The following PHF14 variants were observed in gnomAD, a reference collection of about 807,000 sequenced individuals.
The protein encoded by PHF14 is PHD finger protein 14.
PHF14 carries 55 observed loss-of-function variants against 117.9 expected under a neutral mutation model. The ratio of observed to expected loss-of-function variants is 0.47; its 90% CI spans 0.38 to 0.58. The LOEUF is 0.58. Among genes scored for constraint, PHF14 ranks in the 20% least tolerant of loss-of-function variants. The pLI is 0.00. For synonymous variants in PHF14, 409 were observed against 368.6 expected (o/e 1.11, Z -1.26); for missense variants, 978 against 1,122.2 (o/e 0.87, Z 1.84).
At position 10,979,120 on chromosome 7, in the gene PHF14, T is replaced by C. The variant is rs1000657456; in HGVS notation, c.113-3252T>C. Among the ~76,000 whole-genome samples the C allele has an allele frequency of 1.1e-4, 17 of 152,286 alleles. 1 individual carries two copies. The highest frequency in any genetic ancestry group is 4.1e-4 in the African/African-American group (17 of 41,574). ...TATATTAGCATAAAACTAAATTAAA[T>C]CATATTGATTTTGTTATGGGGAGAA... On this transcript the variant is annotated intron_variant, in intron 2 of 17. Coordinates refer to ENST00000634607, the MANE Select transcript of PHF14 (RefSeq NM_001007157.2).
intron 16 of PHF14, among the ~76,000 whole-genome samples, chr7:11,081,840 A>G (rs936484474): frequency 2.0e-5 from 3 of 151,938 alleles, no homozygotes; most frequent in African/African-American, 7.3e-5. Flanking sequence ...TGGGCGACAG[A>G]ATGAGACTCC....
At chr7:11,129,389 T>C (rs1788024089) in intron 17 of PHF14, among the ~76,000 whole-genome samples, 1 of 152,050 alleles carries the variant, frequency 6.6e-6, no homozygotes, top group Admixed American at 6.6e-5. Context: ...TCAGCATTTC[T>C]GTTAACATTT....
At chr7:11,027,331 C>T (rs1783956097) in intron 6 of PHF14, among the ~76,000 whole-genome samples, 1 of 152,078 alleles carries the variant, frequency 6.6e-6, no homozygotes, top group Non-Finnish European at 1.5e-5. Context: ...AGTAGGATGT[C>T]AGGATTTGAC....
chr7:11,105,260 T>C, intron 16 of PHF14: 1 of 957,734 alleles, frequency 1.0e-6, no homozygotes. Context: ...TCGTTGTTGC[T>C]TAAGTGTTCA....
intron 17 of PHF14, among the ~76,000 whole-genome samples, chr7:11,151,047 A>C (rs1788688069): frequency 6.6e-6 from 1 of 152,212 alleles, no homozygotes; most frequent in South Asian, 2.1e-4. Flanking sequence ...TTTTAAAAAT[A>C]AGAAAAGCAA....
At chr7:11,128,699 TC>T (rs1341271639) in intron 17 of PHF14, among the ~76,000 whole-genome samples, 2 of 150,994 alleles carry the variant, frequency 1.3e-5, no homozygotes, top group African/African-American at 2.4e-5. Flanking sequence ...TCTCTCTCTC[TC>T]CCCCCGCCCC....
intron 17 of PHF14, among the ~76,000 whole-genome samples, chr7:11,132,636 C>A (rs1378729860): frequency 6.6e-6 from 1 of 151,570 alleles, no homozygotes; most frequent in Non-Finnish European, 1.5e-5. Flanking sequence ...GTCATATGGT[C>A]TTTCTATTTT....
chr7:11,002,199 A>G (rs1424533918), intron 4 of PHF14, among the ~76,000 whole-genome samples: 2 of 151,866 alleles, frequency 1.3e-5, no homozygotes, highest in Admixed American at 1.3e-4. Flanking sequence ...AAGGTGCCTC[A>G]AGATTCCTCA....
At chr7:11,132,926 T>C (rs2128349132) in intron 17 of PHF14, among the ~76,000 whole-genome samples, 1 of 151,910 alleles carries the variant, frequency 6.6e-6, no homozygotes, top group East Asian at 1.9e-4. Flanking sequence ...TCTATTCAAG[T>C]CTGAAATTTA....
At chr7:11,023,184 G>T (rs55704333) in intron 6 of PHF14, among the ~76,000 whole-genome samples, 3,060 of 152,132 alleles carry the variant, frequency 0.02, 116 homozygotes, top group African/African-American at 0.07. Context: ...TTAGAGTAAC[G>T]TATGAGGTAA....
chr7:11,133,841 T>C (rs528085889), intron 17 of PHF14, among the ~76,000 whole-genome samples: 3 of 152,158 alleles, frequency 2.0e-5, no homozygotes, highest in African/African-American at 4.8e-5. Flanking sequence ...AATTGCAGTA[T>C]GCAGTGATAG....
At chr7:11,146,666 TA>T (rs1227366524) in intron 17 of PHF14, among the ~76,000 whole-genome samples, 1 of 152,306 alleles carries the variant, frequency 6.6e-6, no homozygotes, top group East Asian at 1.9e-4. Flanking sequence ...CAAAAGCATT[TA>T]GAGAACTCTA....
intron 17 of PHF14, among the ~76,000 whole-genome samples, chr7:11,150,135 G>A (rs117013062): frequency 6.6e-6 from 1 of 152,054 alleles, no homozygotes; most frequent in African/African-American, 2.4e-5. Context: ...CAATATGCCA[G>A]GGAGTGATTA....
At chr7:11,093,378 A>G (rs1220640815) in intron 16 of PHF14, among the ~76,000 whole-genome samples, 1 of 152,140 alleles carries the variant, frequency 6.6e-6, no homozygotes, top group East Asian at 1.9e-4. Flanking sequence ...CAAGGCTGTT[A>G]GTATGGGGGA....
intron 17 of PHF14, among the ~76,000 whole-genome samples, chr7:11,162,811 G>A (rs553806430): frequency 2.7e-4 from 40 of 149,652 alleles, no homozygotes; most frequent in African/African-American, 6.9e-4. Context: ...TCAGCCTCCC[G>A]AGTGGCCGGG....
chr7:11,004,278 AAAG>A (rs1219456562), intron 4 of PHF14, among the ~76,000 whole-genome samples: 2 of 150,370 alleles, frequency 1.3e-5, no homozygotes, highest in Non-Finnish European at 3.0e-5. Flanking sequence ...AAGAAAAGAA[AAAG>A]AAAACATCTC....
Position 10,982,714 on chromosome 7 carries a change from C to G in PHF14, c.455C>G (p.Thr152Arg). Residue 152 changes from threonine (T) to arginine (R), a missense_variant, in exon 3 of 18, where the codon ACA becomes AGA. Transcript: ENST00000634607. Reference sequence around the variant, plus strand: ...GTGGCTGCTTCTGCTGCTGCCACCACACCAGCCACAAGTCCTCCTGCTGTT... The same window carrying G: ...GTGGCTGCTTCTGCTGCTGCCACCAGACCAGCCACAAGTCCTCCTGCTGTT... ...ENVAASAAAT[T>R]PATSPPAVNT... is the part of the protein sequence containing the mutation. 6.2e-7 allele frequency: 1 copy of G among 1,612,042 alleles called. No homozygotes were observed. Among genetic ancestry groups the G allele is most frequent in the Non-Finnish European group, 8.5e-7 (1 of 1,178,942 alleles).
chr7:11,029,756 T>G lies in PHF14; in HGVS notation c.1455+938T>G, dbSNP rs557743844. ...GTTAACAAATTGTGAGCAGGTTCAG[T>G]TCATTCCTTAAGCTTACATAGTAAT... On this transcript the variant is annotated intron_variant, in intron 7 of 17. Transcript: ENST00000634607. 1.1e-4 allele frequency among the ~76,000 whole-genome samples: 16 copies of G among 152,286 alleles called. No individual in the cohort carries two copies. In the East Asian group the frequency reaches 2.7e-3, roughly 26 times the overall value.
intron 16 of PHF14, among the ~76,000 whole-genome samples, chr7:11,070,500 T>C (rs1377175783): frequency 2.6e-5 from 4 of 152,230 alleles, no homozygotes; most frequent in African/African-American, 4.8e-5. Context: ...CTGTAACTAT[T>C]TGCATAGGAC....
Sources: allele counts gnomAD v4.1 joint callset (sites outside exome capture counted in the v4.1 genomes callset), GRCh38; gene constraint gnomAD v4.1.1; transcripts MANE v1.5; gene names NCBI Gene and HGNC (gene_info 2026-07-23, HGNC 2026-07-21).